The following AP4E1 variants were observed in gnomAD, a reference collection of about 807,000 sequenced individuals.
The protein encoded by AP4E1 is adaptor related protein complex 4 subunit epsilon 1.
A neutral mutation model predicts 128.2 loss-of-function variants in AP4E1; 56 were observed. The observed-to-expected ratio is 0.44, with a 90% CI of 0.35 to 0.55. AP4E1 has a LOEUF of 0.55. AP4E1 is among the 20% of genes least tolerant of loss of function. The probability of loss-of-function intolerance (pLI) is 0.00; values close to 1 mark genes in which losing one functional copy is unlikely to be tolerated. For synonymous variants in AP4E1, 484 were observed against 473.1 expected, an observed-to-expected ratio of 1.02 and a Z score of -0.30; for missense variants, 1,324 against 1,307.7, an observed-to-expected ratio of 1.01 and a Z score of -0.19.
At chr15:50,948,735 G>A (rs1596476953) in intron 11 of AP4E1, among the ~76,000 whole-genome samples, 1 of 152,328 alleles carries the variant, frequency 6.6e-6, no homozygotes, top group East Asian at 1.9e-4. Context: ...CACTTTGGGA[G>A]GCTGAGGCGG....
chr15:50,967,030 T>G (rs768180790), intron 14 of AP4E1, among the ~76,000 whole-genome samples: 3 of 152,200 alleles, frequency 2.0e-5, no homozygotes, highest in Admixed American at 1.3e-4. Context: ...GTTCATCTCC[T>G]TCTTTTCTCC....
chr15:50,969,807 G>A lies in AP4E1; in HGVS notation c.1966+1430G>A, dbSNP rs575330537. On this transcript the variant is annotated intron_variant, in intron 15 of 20. Coordinates refer to ENST00000261842, the MANE Select transcript of AP4E1 (RefSeq NM_007347.5). Reference sequence around the variant, plus strand: ...CCGAGTAGCTGGGACTACAAGCGCCGGCCACCACGCCCAGCTAATTTTTTT... The same window carrying A: ...CCGAGTAGCTGGGACTACAAGCGCCAGCCACCACGCCCAGCTAATTTTTTT... Among the ~76,000 whole-genome samples, 541 of 151,464 alleles carry A rather than the reference G, an allele frequency of 3.6e-3. 2 individuals carry two copies. Among genetic ancestry groups the A allele is most frequent in the Admixed American group, 8.2e-3 (125 of 15,212 alleles).
In AP4E1 at chr15:50,912,303, C is replaced by T. The variant is rs28544375; in HGVS notation, c.222+154C>T. ...GTAGCAACTCAGATGTTAACTTTAG[C>T]CTTTTATTGTTGACTGGTTTGCACC... On this transcript the variant is annotated intron_variant, in intron 2 of 20. Transcript: ENST00000261842. Among the ~76,000 whole-genome samples the T allele has an allele frequency of 5.0e-3, 761 of 152,252 alleles. 11 individuals are homozygous for T. Among genetic ancestry groups the T allele is most frequent in the African/African-American group, 0.018 (737 of 41,536 alleles).
At position 50,941,556 on chromosome 15, in the gene AP4E1, A is replaced by T; in HGVS notation, c.1058A>T (p.Lys353Ile). Residue 353 changes from lysine (K) to isoleucine (I), a missense_variant, in exon 9 of 21, where the codon AAA becomes ATA. Transcript: ENST00000261842. ...KFVLSPKINLKYLGLKALTYV... is the reference protein window; with the variant it reads ...KFVLSPKINLIYLGLKALTYV... ...GTTCTGTCACCTAAAATAAATCTAA[A>T]ATATTTAGGTAAGATGATTGGTTCT... is the stretch of plus-strand genomic sequence containing the variant. 1 of 1,612,874 alleles carries T rather than the reference A, an allele frequency of 6.2e-7. No homozygotes were observed. The highest frequency in any genetic ancestry group is 8.5e-7 in the Non-Finnish European group (1 of 1,179,474).
intron 3 of AP4E1, among the ~76,000 whole-genome samples, chr15:50,919,088 G>A (rs936213690): frequency 2.0e-5 from 3 of 151,788 alleles, no homozygotes; most frequent in African/African-American, 7.3e-5. Flanking sequence ...AAATTAGCCA[G>A]GCATGGTGGT....
chr15:50,932,908 G>T (rs569771274), intron 7 of AP4E1, among the ~76,000 whole-genome samples: 1 of 152,214 alleles, frequency 6.6e-6, no homozygotes, highest in East Asian at 1.9e-4. Flanking sequence ...CTATCCTAAC[G>T]TGGAGCTCTA....
chr15:50,963,881 A>G (rs2064351449), intron 14 of AP4E1, among the ~76,000 whole-genome samples: 1 of 152,254 alleles, frequency 6.6e-6, no homozygotes, highest in Non-Finnish European at 1.5e-5. Flanking sequence ...ATTCTGTATT[A>G]AAAGAGACTG....
chr15:50,996,413 A>G (rs571497598), intron 17 of AP4E1, among the ~76,000 whole-genome samples: 1 of 152,176 alleles, frequency 6.6e-6, no homozygotes, highest in South Asian at 2.1e-4. Flanking sequence ...TTTTTGTGTT[A>G]ATAAAATGTT....
At chr15:50,908,568 G>A (rs1205399670), upstream of AP4E1, 1 of 529,702 alleles carries the variant, frequency 1.9e-6, no homozygotes, top group Non-Finnish European at 3.0e-6. Context: ...AATCTCGAGC[G>A]AGCGGCCTTT....
rs774071434 is a variant in AP4E1, at chr15:50,997,737, G to A, written c.2758G>A (p.Glu920Lys). ...TTEYIHSNAM[E>K]VCNNETISVS... Reference sequence around the variant, plus strand: ...TGAATACATACACTCAAATGCTATGGAAGTCTGTAATAATGAAACTATATC... The same window carrying A: ...TGAATACATACACTCAAATGCTATGAAAGTCTGTAATAATGAAACTATATC... Residue 920 changes from glutamate (E) to lysine (K), a missense_variant, in exon 18 of 21, where the codon GAA becomes AAA. Transcript: ENST00000261842. 3 of 1,613,772 alleles carry A rather than the reference G, an allele frequency of 1.9e-6. No homozygotes were observed. In the South Asian group the frequency reaches 3.3e-5, roughly 18 times the overall value.
At chr15:50,969,825 AT>A (rs1021959414) in intron 15 of AP4E1, among the ~76,000 whole-genome samples, 6 of 151,582 alleles carry the variant, frequency 4.0e-5, no homozygotes, top group South Asian at 2.1e-4. Flanking sequence ...CGCCCAGCTA[AT>A]TTTTTTGTAT....
chr15:50,965,209 G>A (rs1021860940), intron 14 of AP4E1, among the ~76,000 whole-genome samples: 5 of 152,018 alleles, frequency 3.3e-5, no homozygotes, highest in Admixed American at 2.0e-4. Flanking sequence ...GTGCAAGAAC[G>A]GACTAATAGA....
At chr15:50,955,562 A>G (rs1273535719) in intron 13 of AP4E1, among the ~76,000 whole-genome samples, 3 of 152,330 alleles carry the variant, frequency 2.0e-5, no homozygotes, top group East Asian at 1.9e-4. Flanking sequence ...GGGTATTGAC[A>G]TCTTCAGTTC....
intron 8 of AP4E1, 149 bp downstream of exon 8, chr15:50,934,846 C>T: frequency 1.7e-6 from 1 of 573,918 alleles, no homozygotes; most frequent in Non-Finnish European, 3.1e-6. Flanking sequence ...TCAATGTAAG[C>T]ATTTAATTAC....
chr15:50,958,991 C>G (rs528663114), intron 14 of AP4E1, among the ~76,000 whole-genome samples, 197 bp downstream of exon 14: 1 of 152,238 alleles, frequency 6.6e-6, no homozygotes, highest in East Asian at 1.9e-4. Flanking sequence ...GTGGGTGGAT[C>G]ACCTGAGGTT....
intron 15 of AP4E1, among the ~76,000 whole-genome samples, chr15:50,982,876 A>G (rs370581940): frequency 1.3e-5 from 2 of 152,086 alleles, no homozygotes; most frequent in Admixed American, 6.6e-5. Flanking sequence ...TCATTTTCTA[A>G]TTTTTGTAAT....
chr15:50,934,072 C>T (rs1160659235), intron 7 of AP4E1, among the ~76,000 whole-genome samples: 2 of 150,644 alleles, frequency 1.3e-5, no homozygotes, highest in African/African-American at 4.8e-5. Flanking sequence ...GTTATTCTTA[C>T]TGTAATCAGT....
In AP4E1 at chr15:51,004,679, G is replaced by A. The variant is rs779448874; in HGVS notation, c.*2017G>A. 5.9e-5 allele frequency: 9 copies of A among 152,530 alleles called. No homozygotes were observed. Among genetic ancestry groups the A allele is most frequent in the Non-Finnish European group, 1.3e-4 (9 of 68,016 alleles). 9.4% of individuals were successfully genotyped at this position (152,530 alleles called of 1,614,324 possible). On this transcript the variant is annotated 3_prime_UTR_variant, in exon 21 of 21. Transcript: ENST00000261842. Reference sequence around the variant, plus strand: ...TCTGACCCACTAAATAAAAAGTAGTGTAACAGGGTTTCACTGGAATGTTTA... The same window carrying A: ...TCTGACCCACTAAATAAAAAGTAGTATAACAGGGTTTCACTGGAATGTTTA...
intron 13 of AP4E1, among the ~76,000 whole-genome samples, chr15:50,950,704 C>T (rs1343872583): frequency 6.6e-6 from 1 of 151,904 alleles, no homozygotes; most frequent in Non-Finnish European, 1.5e-5. Context: ...TTTTGCTGCA[C>T]CTATTAACAC....
Sources: gnomAD v4.1 joint callset for allele counts (sites outside exome capture counted in the v4.1 genomes callset) on GRCh38, gnomAD v4.1.1 for gene constraint, MANE v1.5 for transcripts, NCBI Gene and HGNC (gene_info 2026-07-23, HGNC 2026-07-21) for gene names.